RBMS3: variants seen among roughly 807,000 people sequenced by gnomAD.
RBMS3 encodes the protein RNA binding motif single stranded interacting protein 3.
RBMS3 carries 27 observed loss-of-function variants against 66.8 expected under a neutral mutation model. That is an observed-to-expected ratio of 0.40 (90% CI 0.30 to 0.56). The LOEUF (loss-of-function observed/expected upper bound fraction) is 0.56. Ranked by LOEUF, RBMS3 falls within the 20% of genes least tolerant of loss-of-function variation. The pLI, the probability that RBMS3 is intolerant of heterozygous loss-of-function variation, is 0.40. For missense variants in RBMS3, 513 were observed against 549.5 expected (o/e 0.93, Z 0.66); for synonymous variants, 188 against 183.0 (o/e 1.03, Z -0.22).
chr3:29,449,999 C>T (rs1371474837), intron 2 of RBMS3, among the ~76,000 whole-genome samples: 2 of 152,088 alleles, frequency 1.3e-5, no homozygotes, highest in East Asian at 3.9e-4. Flanking sequence ...CAGCATATTT[C>T]ATGTTATTTC....
chr3:29,962,205 A>T lies in RBMS3; in HGVS notation c.1098+17951A>T, dbSNP rs1424586431. Among the ~76,000 whole-genome samples, 4 of 151,192 alleles carry T rather than the reference A, an allele frequency of 2.6e-5. No individual in the cohort carries two copies. In the East Asian group the frequency reaches 5.8e-4, roughly 22 times the overall value. On this transcript the variant is annotated intron_variant, in intron 12 of 14. Coordinates refer to ENST00000383767, the MANE Select transcript of RBMS3 (RefSeq NM_001003793.3). ...AGTGTATTGGTCCCCTTGGAGAAAA[A>T]TAAATAAATCCCTATTTGAGTTTAT...
chr3:29,675,542 A>G (rs1677804840), intron 4 of RBMS3, among the ~76,000 whole-genome samples: 1 of 152,248 alleles, frequency 6.6e-6, no homozygotes, highest in South Asian at 2.1e-4. Flanking sequence ...ACAAAGGGCT[A>G]ATATCCAGAA....
At chr3:29,899,899 T>G in intron 10 of RBMS3, 144 bp downstream of exon 10, 1 of 716,664 alleles carries the variant, frequency 1.4e-6, no homozygotes, top group Non-Finnish European at 2.3e-6. Context: ...AAGCTGTTCC[T>G]GAAATTCTAC....
At chr3:29,302,173 C>G (rs1306779045) in intron 1 of RBMS3, among the ~76,000 whole-genome samples, 1 of 151,820 alleles carries the variant, frequency 6.6e-6, no homozygotes, top group Non-Finnish European at 1.5e-5. Flanking sequence ...CCACATTCAT[C>G]CAATTTTTAA....
chr3:29,926,102 A>G (rs1438857096), intron 10 of RBMS3, among the ~76,000 whole-genome samples: 2 of 152,186 alleles, frequency 1.3e-5, no homozygotes, highest in Non-Finnish European at 2.9e-5. Context: ...TTTTAACCTT[A>G]GAATATGTCT....
At position 29,421,923 on chromosome 3, in the gene RBMS3, C is replaced by A. The variant is rs551723117; in HGVS notation, c.76-12820C>A. ...TCAACAAACCAATATACCTGTTAAC[C>A]AAAAGAACGTTACTGTTCATGAAAA... On this transcript the variant is annotated intron_variant, in intron 1 of 14. Coordinates refer to ENST00000383767, the MANE Select transcript of RBMS3 (RefSeq NM_001003793.3). Among the ~76,000 whole-genome samples the A allele has an allele frequency of 3.3e-5, 5 of 152,198 alleles. No homozygotes were observed. In the East Asian group the frequency reaches 7.7e-4, roughly 24 times the overall value.
chr3:29,986,164 G>A (rs913559163), intron 12 of RBMS3, among the ~76,000 whole-genome samples: 1 of 152,078 alleles, frequency 6.6e-6, no homozygotes, highest in Non-Finnish European at 1.5e-5. Context: ...GGAAACCCAT[G>A]ACCAAAGGGC....
At chr3:29,896,605 A>T (rs1310302959) in intron 8 of RBMS3, among the ~76,000 whole-genome samples, 1 of 151,602 alleles carries the variant, frequency 6.6e-6, no homozygotes, top group Non-Finnish European at 1.5e-5. Flanking sequence ...TCAGTAACTC[A>T]TCGACTCTAC....
chr3:29,341,775 T>C (rs2036295761), intron 1 of RBMS3, among the ~76,000 whole-genome samples: 1 of 152,162 alleles, frequency 6.6e-6, no homozygotes, highest in Non-Finnish European at 1.5e-5. Context: ...ATTTAACATA[T>C]ATGAAATTAT....
At chr3:29,419,371 TATC>T (rs1465914006) in intron 1 of RBMS3, among the ~76,000 whole-genome samples, 15 of 152,202 alleles carry the variant, frequency 9.9e-5, no homozygotes, top group Non-Finnish European at 2.2e-4. Context: ...ATTGTAATAT[TATC>T]ATTGAATTTA....
chr3:29,688,493 T>C (rs112060924), intron 4 of RBMS3, among the ~76,000 whole-genome samples: 26 of 151,590 alleles, frequency 1.7e-4, no homozygotes, highest in African/African-American at 5.6e-4. Flanking sequence ...ATTTAACCTC[T>C]GGTTTAGTAT....
chr3:29,590,166 G>A (rs1365465209), intron 4 of RBMS3, among the ~76,000 whole-genome samples: 1 of 151,864 alleles, frequency 6.6e-6, no homozygotes, highest in Admixed American at 6.6e-5. Flanking sequence ...ATAGTGGTTA[G>A]GAGCATAGAT....
intron 1 of RBMS3, among the ~76,000 whole-genome samples, chr3:29,406,259 G>A (rs1203842481): frequency 1.3e-5 from 2 of 152,136 alleles, no homozygotes; most frequent in East Asian, 1.9e-4. Flanking sequence ...TTAAGATAAT[G>A]TAAAAAAGCA....
intron 6 of RBMS3, among the ~76,000 whole-genome samples, chr3:29,824,786 C>G (rs2058163556): frequency 6.6e-6 from 1 of 152,224 alleles, no homozygotes; most frequent in South Asian, 2.1e-4. Flanking sequence ...AAAAAGCACA[C>G]TAATTTAAAA....
chr3:29,331,382 T>C (rs2035644581), intron 1 of RBMS3, among the ~76,000 whole-genome samples: 1 of 152,126 alleles, frequency 6.6e-6, no homozygotes, highest in African/African-American at 2.4e-5. Flanking sequence ...CGAACTCCAA[T>C]ATGTAACTTA....
intron 5 of RBMS3, among the ~76,000 whole-genome samples, chr3:29,741,920 C>T (rs1003671969): frequency 6.6e-6 from 1 of 152,122 alleles, no homozygotes; most frequent in African/African-American, 2.4e-5. Context: ...CAATAGGGCC[C>T]ACCCTAATGG....
At position 29,854,033 on chromosome 3, in the gene RBMS3, T is replaced by C. The variant is rs546163487; in HGVS notation, c.638-14825T>C. On this transcript the variant is annotated intron_variant, in intron 6 of 14. Coordinates refer to ENST00000383767, the MANE Select transcript of RBMS3 (RefSeq NM_001003793.3). ...ATACTGTTTTGTTTGTTTGTTTGTT[T>C]TTTGAAAGTGTCAAAAAGTCGTGAG... Among the ~76,000 whole-genome samples, 4 of 152,292 alleles carry C rather than the reference T, an allele frequency of 2.6e-5. 1 individual carries two copies. Among genetic ancestry groups the C allele is most frequent in the Middle Eastern group, 6.8e-3 (2 of 292 alleles).
chr3:29,387,558 C>T (rs1410026885), intron 1 of RBMS3, among the ~76,000 whole-genome samples: 2 of 152,024 alleles, frequency 1.3e-5, no homozygotes, highest in South Asian at 2.1e-4. Flanking sequence ...TGCTTATATC[C>T]CTGCCTCCCC....
chr3:29,901,690 C>T (rs1184550167), intron 10 of RBMS3, among the ~76,000 whole-genome samples: 1 of 151,686 alleles, frequency 6.6e-6, no homozygotes, highest in Non-Finnish European at 1.5e-5. Flanking sequence ...CTTGCTGTGG[C>T]TACTACTCAG....
Sources: gnomAD v4.1 joint callset for allele counts (sites outside exome capture counted in the v4.1 genomes callset) on GRCh38, gnomAD v4.1.1 for gene constraint, MANE v1.5 for transcripts, NCBI Gene and HGNC (gene_info 2026-07-23, HGNC 2026-07-21) for gene names.